TRERF1: variants seen among roughly 807,000 people sequenced by gnomAD.
The protein encoded by TRERF1 is transcriptional regulating factor 1, also known as transcriptional-regulating factor 1.
In TRERF1, 27 loss-of-function variants were observed where a neutral mutation model predicts 122.9. That is an observed-to-expected ratio of 0.22 (90% CI 0.16 to 0.30). TRERF1 has a LOEUF of 0.30. Ranked by LOEUF, TRERF1 falls within the 10% of genes least tolerant of loss-of-function variation. TRERF1 has a pLI of 1.00. For synonymous variants in TRERF1, 636 were observed against 641.7 expected, an observed-to-expected ratio of 0.99 and a Z score of 0.13; for missense variants, 1,248 against 1,560.3, an observed-to-expected ratio of 0.80 and a Z score of 3.37.
chr6:42,264,597 G>A, intron 7 of TRERF1, 107 bp downstream of exon 7: 1 of 1,505,852 alleles, frequency 6.6e-7, no homozygotes, highest in Non-Finnish European at 8.9e-7. Flanking sequence ...GGAGGACTGT[G>A]CCTCGCCAGG....
Position 42,412,469 on chromosome 6 carries a change from A to C in TRERF1, c.-454+38708T>G, listed in dbSNP as rs369271047. Among the ~76,000 whole-genome samples, 26 of 152,348 alleles carry C rather than the reference A, an allele frequency of 1.7e-4. No homozygotes were observed. The East Asian group carries it at 3.3e-3, about 19-fold the overall frequency. On this transcript the variant is annotated intron_variant, in intron 2 of 17. Coordinates refer to ENST00000372922, the Ensembl canonical transcript of TRERF1. ...AGGCTTTAGGAGGTTTGCAGCTCAC[A>C]CAGGCGAAATAAAAACCAGGAGTTT...
Position 42,268,336 on chromosome 6 carries a change from T to A in TRERF1, c.1255A>T (p.Met419Leu). 1 of 1,517,566 alleles carries A rather than the reference T, an allele frequency of 6.6e-7. No individual in the cohort carries two copies. The allele number at this position is 1,517,566 out of a possible 1,614,324, so 94.0% of individuals were successfully genotyped here. ...CCCAGGTCCCCATGGGAGCTCAGCA[T>A]GGCCTGGGCCTGTCTGTCACTAGAG... Residue 419 changes from methionine (M) to leucine (L), a missense_variant, in exon 5 of 18, where the codon ATG becomes TTG. Around this residue, in one of 5 missense-constraint regions of TRERF1, gnomAD observed 946 missense variants for 1,073.0 expected, o/e 0.88. Coordinates refer to ENST00000372922, the Ensembl canonical transcript of TRERF1. The surrounding 1 kb of genome is among the most constrained non-coding windows in gnomAD (Gnocchi z 4.4).
chr6:42,370,373 T>C (rs1773555940), intron 2 of TRERF1, among the ~76,000 whole-genome samples: 1 of 152,216 alleles, frequency 6.6e-6, no homozygotes, highest in African/African-American at 2.4e-5. Flanking sequence ...CTTTCCTCTT[T>C]GTTATCTTTG....
chr6:42,312,204 T>G (rs1354527035), intron 3 of TRERF1, among the ~76,000 whole-genome samples: 4 of 152,118 alleles, frequency 2.6e-5, no homozygotes, highest in African/African-American at 2.4e-5. Flanking sequence ...CATCATGCCC[T>G]TTTCCCCAGA....
intron 3 of TRERF1, among the ~76,000 whole-genome samples, chr6:42,325,333 G>A (rs539819822): frequency 1.4e-3 from 217 of 152,290 alleles, no homozygotes; most frequent in Non-Finnish European, 2.5e-3. Context: ...CAGCCACCAT[G>A]GAAAGCAGTT....
At chr6:42,366,670 G>C (rs1772788703) in intron 2 of TRERF1, among the ~76,000 whole-genome samples, 1 of 152,190 alleles carries the variant, frequency 6.6e-6, no homozygotes, top group South Asian at 2.1e-4. Flanking sequence ...AGAAGCTCAT[G>C]GTGACTGGCA....
intron 17 of TRERF1, among the ~76,000 whole-genome samples, chr6:42,229,399 A>G (rs1180724325): frequency 6.6e-6 from 1 of 152,148 alleles, no homozygotes; most frequent in Non-Finnish European, 1.5e-5. Context: ...TGGCCTCCCA[A>G]AGTGTTGTGA....
intron 3 of TRERF1, among the ~76,000 whole-genome samples, chr6:42,302,784 G>A (rs1786451512): frequency 6.6e-6 from 1 of 152,230 alleles, no homozygotes; most frequent in African/African-American, 2.4e-5. Flanking sequence ...CGGGTGGGAA[G>A]CAGGAATGCA....
chr6:42,357,910 T>G (rs1770914447), intron 3 of TRERF1, among the ~76,000 whole-genome samples: 1 of 152,200 alleles, frequency 6.6e-6, no homozygotes, highest in African/African-American at 2.4e-5. Context: ...AAAGGCGTCT[T>G]AAAAAGTCAC....
At chr6:42,236,370 C>G in exon 16 of TRERF1, 1 of 1,523,818 alleles carries the variant, frequency 6.6e-7, no homozygotes, top group Non-Finnish European at 8.9e-7. Flanking sequence ...CTTCCGGGTC[C>G]TCCTCCTCCT....
At chr6:42,277,976 A>AAGG (rs1781599653) in intron 4 of TRERF1, among the ~76,000 whole-genome samples, 1 of 149,372 alleles carries the variant, frequency 6.7e-6, no homozygotes, top group African/African-American at 2.5e-5. Flanking sequence ...GAAGAAGAAG[A>AAGG]CTGCAATAGA....
intron 4 of TRERF1, among the ~76,000 whole-genome samples, chr6:42,281,012 G>A (rs1042641000): frequency 6.6e-6 from 1 of 152,144 alleles, no homozygotes; most frequent in Non-Finnish European, 1.5e-5. Context: ...ACGGTGGGAG[G>A]GATGATGAAG....
chr6:42,424,287 T>C (rs1436715289), intron 2 of TRERF1, among the ~76,000 whole-genome samples: 1 of 152,166 alleles, frequency 6.6e-6, no homozygotes, highest in African/African-American at 2.4e-5. Context: ...TATGTGAATG[T>C]ACAACATTAC....
intron 3 of TRERF1, among the ~76,000 whole-genome samples, chr6:42,359,884 T>A (rs990752273): frequency 2.6e-5 from 4 of 152,192 alleles, no homozygotes; most frequent in African/African-American, 9.7e-5. Context: ...AGGTTCTATC[T>A]ATTTTCAGTT....
At chr6:42,358,751 A>G (rs1771090669) in intron 3 of TRERF1, among the ~76,000 whole-genome samples, 1 of 152,044 alleles carries the variant, frequency 6.6e-6, no homozygotes, top group Non-Finnish European at 1.5e-5. Context: ...CAAAATAAAA[A>G]AGACTGGGAG....
At chr6:42,436,631 G>T (rs1200564529) in intron 2 of TRERF1, among the ~76,000 whole-genome samples, 3 of 151,456 alleles carry the variant, frequency 2.0e-5, no homozygotes, top group Non-Finnish European at 4.4e-5. Context: ...TGACTGCAGT[G>T]CTTAAATTTT....
intron 2 of TRERF1, among the ~76,000 whole-genome samples, chr6:42,423,464 C>T (rs1783111145): frequency 6.6e-6 from 1 of 152,076 alleles, no homozygotes; most frequent in South Asian, 2.1e-4. Context: ...ATCTACGTCC[C>T]CCTTACGGTG....
intron 4 of TRERF1, among the ~76,000 whole-genome samples, chr6:42,280,278 G>A (rs34411497): frequency 0.027 from 4,159 of 152,284 alleles, 57 homozygotes; most frequent in Non-Finnish European, 0.037. Context: ...CTGGCAACTA[G>A]GGCTGGAGGC....
rs1383881807 is a variant in TRERF1 at position 42,263,734 on chromosome 6, C to T, written c.1636-166G>A. 6.6e-6 allele frequency among the ~76,000 whole-genome samples: 1 copy of T among 152,190 alleles called. No homozygotes were observed. Among genetic ancestry groups the T allele is most frequent in the Non-Finnish European group, 1.5e-5 (1 of 68,034 alleles). On this transcript the variant is annotated intron_variant, in intron 7 of 17. Coordinates refer to ENST00000372922, the Ensembl canonical transcript of TRERF1. This position sits in a 1 kb window ranked among gnomAD's most constrained non-coding sequence, Gnocchi z 5.6. ...CTGAGTCCCTTGGCTGGAGTGATGC[C>T]AGCTGATGGTGGAAGAGGCTGGACT...
Sources: gnomAD v4.1 joint callset for allele counts (sites outside exome capture counted in the v4.1 genomes callset) on GRCh38, gnomAD v4.1.1 for gene constraint, gnomAD v4.1.1 regional missense constraint, Gnocchi (gnomAD v3.1) non-coding constraint, MANE v1.5 for transcripts, NCBI Gene and HGNC (gene_info 2026-07-23, HGNC 2026-07-21) for gene names.